Variants in MLIP observed in about 807,000 individuals in gnomAD.
MLIP encodes muscular LMNA-interacting protein.
A neutral mutation model predicts 84.8 loss-of-function variants in MLIP; 79 were observed. That is an observed-to-expected ratio of 0.93 (90% CI 0.78 to 1.12). The LOEUF is 1.12. Among genes scored for constraint, MLIP ranks in the 50% most tolerant of loss-of-function variants. The pLI is 0.00. For synonymous variants in MLIP, 504 were observed against 463.0 expected, an observed-to-expected ratio of 1.09 and a Z score of -1.14; for missense variants, 1,257 against 1,160.6, an observed-to-expected ratio of 1.08 and a Z score of -1.21.
At chr6:54,091,258 G>A (rs1767856122) in intron 1 of MLIP, among the ~76,000 whole-genome samples, 2 of 152,060 alleles carry the variant, frequency 1.3e-5, no homozygotes, top group Admixed American at 6.6e-5. Flanking sequence ...ATAGTGTGTT[G>A]TTATACATTG....
At chr6:54,115,022 G>A (rs141849907) in intron 1 of MLIP, among the ~76,000 whole-genome samples, 53 of 152,336 alleles carry the variant, frequency 3.5e-4, no homozygotes, top group Middle Eastern at 3.4e-3. Flanking sequence ...ATGTGGGAGA[G>A]ATGTTAGAGG....
At chr6:54,227,558 G>A (rs1780663662) in intron 11 of MLIP, among the ~76,000 whole-genome samples, 2 of 152,104 alleles carry the variant, frequency 1.3e-5, no homozygotes, top group Admixed American at 6.5e-5. Context: ...AGATTATTGA[G>A]GACAAAAAGA....
intron 10 of MLIP, among the ~76,000 whole-genome samples, chr6:54,194,162 C>T (rs73741459): frequency 0.032 from 4,721 of 149,502 alleles, 218 homozygotes; most frequent in African/African-American, 0.11. Context: ...ATACTTTGTT[C>T]CTAGTTCTGA....
At chr6:54,021,290 A>AT (rs1038334094) in intron 1 of MLIP, among the ~76,000 whole-genome samples, 1 of 152,222 alleles carries the variant, frequency 6.6e-6, no homozygotes, top group East Asian at 1.9e-4. Context: ...AGAAGAAAAT[A>AT]TTTTTTCCAT....
intron 9 of MLIP, among the ~76,000 whole-genome samples, chr6:54,172,553 T>C (rs367868250): frequency 1.1e-4 from 17 of 151,588 alleles, no homozygotes; most frequent in Non-Finnish European, 2.4e-4. Flanking sequence ...AGAGAACCCA[T>C]TGATGTTAAA....
intron 1 of MLIP, among the ~76,000 whole-genome samples, chr6:54,117,358 G>A (rs1160523891): frequency 1.3e-5 from 2 of 151,358 alleles, no homozygotes; most frequent in Non-Finnish European, 3.0e-5. Context: ...GGGACTACAG[G>A]CACCCGCCAC....
At chr6:54,025,412 A>G (rs1448269508) in intron 1 of MLIP, among the ~76,000 whole-genome samples, 1 of 152,238 alleles carries the variant, frequency 6.6e-6, no homozygotes, top group African/African-American at 2.4e-5. Flanking sequence ...ATTAAATTTA[A>G]TAAGTAGGAA....
chr6:54,054,298 T>C (rs1765525089), intron 1 of MLIP, among the ~76,000 whole-genome samples: 3 of 152,120 alleles, frequency 2.0e-5, no homozygotes, highest in South Asian at 4.1e-4. Context: ...CCACACCCTG[T>C]AATAGATGGA....
intron 11 of MLIP, among the ~76,000 whole-genome samples, chr6:54,220,780 A>G (rs149539699): frequency 0.011 from 1,716 of 152,326 alleles, 22 homozygotes; most frequent in Non-Finnish European, 0.02. Flanking sequence ...TTTGTTCTCT[A>G]AAGTAAGTGA....
intron 11 of MLIP, among the ~76,000 whole-genome samples, chr6:54,228,161 C>A (rs1173889552): frequency 3.5e-5 from 4 of 115,004 alleles, no homozygotes; most frequent in African/African-American, 1.3e-4. Flanking sequence ...CCAGCCTGGG[C>A]GACAGAGGGA....
At chr6:54,257,900 C>T (rs1783119321) in intron 13 of MLIP, among the ~76,000 whole-genome samples, 1 of 152,014 alleles carries the variant, frequency 6.6e-6, no homozygotes, top group African/African-American at 2.4e-5. Flanking sequence ...AAATGTTTAT[C>T]TAAAGTTTTG....
chr6:54,135,646 T>C (rs1490252696), intron 3 of MLIP, among the ~76,000 whole-genome samples: 1 of 152,158 alleles, frequency 6.6e-6, no homozygotes, highest in African/African-American at 2.4e-5. Context: ...TCTTAATATT[T>C]ATTGATATTT....
At chr6:54,248,240 G>T (rs1395040991) in intron 12 of MLIP, among the ~76,000 whole-genome samples, 1 of 152,054 alleles carries the variant, frequency 6.6e-6, no homozygotes, top group Non-Finnish European at 1.5e-5. Context: ...ATTTATGATT[G>T]TACTAGACTG....
At chr6:54,120,401 AT>A (rs10708241) in intron 1 of MLIP, among the ~76,000 whole-genome samples, 83,781 of 151,156 alleles carry the variant, frequency 0.55, 24,742 homozygotes, top group South Asian at 0.7. Context: ...CGCCCGGCTC[AT>A]TTTTTTTTGT....
Position 54,265,637 on chromosome 6 carries a change from T to G in MLIP, c.2977-313T>G, listed in dbSNP as rs555729983. On this transcript the variant is annotated intron_variant, in intron 13 of 13. Transcript: ENST00000502396. ...GAAGGGTGTGGGTGTGGGTGAGATA[T>G]AACAGTGCTGTTCCTTAAGGCAGCC... Among the ~76,000 whole-genome samples, 198 of 152,156 alleles carry G rather than the reference T, an allele frequency of 1.3e-3. 2 individuals carry two copies. Among genetic ancestry groups the G allele is most frequent in the African/African-American group, 4.1e-3 (169 of 41,546 alleles).
Position 54,082,945 on chromosome 6 carries a change from G to C in MLIP, c.64-38502G>C, listed in dbSNP as rs115595662. ...CTGTAGTATTTTTCATAACTCTCTA[G>C]AAGCAGTTAACTCATGTGTAATGTT... On this transcript the variant is annotated intron_variant, in intron 1 of 12. Coordinates refer to the MLIP transcript ENST00000274897. Among the ~76,000 whole-genome samples, 1,421 of 152,134 alleles carry C rather than the reference G, an allele frequency of 9.3e-3. 21 individuals are homozygous for C. The highest frequency in any genetic ancestry group is 0.031 in the African/African-American group (1,299 of 41,500).
intron 5 of MLIP, among the ~76,000 whole-genome samples, chr6:54,153,270 A>T (rs1773650137): frequency 6.6e-6 from 1 of 152,178 alleles, no homozygotes; most frequent in Admixed American, 6.6e-5. Flanking sequence ...AAAAAGAAAA[A>T]GGCAAAATTT....
intron 10 of MLIP, among the ~76,000 whole-genome samples, chr6:54,194,231 C>G (rs543006663): frequency 1.3e-5 from 2 of 152,160 alleles, no homozygotes; most frequent in South Asian, 4.1e-4. Flanking sequence ...TCTGAGGGCC[C>G]TTTTAAGGCC....
At chr6:54,036,987 C>A (rs1764482581) in intron 1 of MLIP, among the ~76,000 whole-genome samples, 2 of 152,050 alleles carry the variant, frequency 1.3e-5, no homozygotes, top group South Asian at 4.1e-4. Context: ...AATGGCAGGA[C>A]TTAAAAATAT....
Sources: allele counts gnomAD v4.1 joint callset (sites outside exome capture counted in the v4.1 genomes callset), GRCh38; gene constraint gnomAD v4.1.1; transcripts MANE v1.5; gene names NCBI Gene and HGNC (gene_info 2026-07-23, HGNC 2026-07-21).